The following SPAG16 variants were observed in gnomAD, a reference collection of about 807,000 sequenced individuals.
The protein encoded by SPAG16 is sperm-associated antigen 16 protein.
SPAG16 carries 86 observed loss-of-function variants against 80.4 expected under a neutral mutation model. The observed-to-expected ratio is 1.07, with a 90% confidence interval of 0.90 to 1.28. The LOEUF is 1.28. Ranked by LOEUF, SPAG16 falls within the 50% of genes most tolerant of loss-of-function variation. The pLI, the probability that SPAG16 is intolerant of heterozygous loss-of-function variation, is 0.00. For missense variants in SPAG16, 870 were observed against 765.3 expected, an observed-to-expected ratio of 1.14 and a Z score of -1.61; for synonymous variants, 294 against 265.9, an observed-to-expected ratio of 1.11 and a Z score of -1.03.
intron 9 of SPAG16, among the ~76,000 whole-genome samples, chr2:213,415,520 T>C (rs1488527177): frequency 6.6e-6 from 1 of 152,188 alleles, no homozygotes; most frequent in African/African-American, 2.4e-5. Context: ...TGGGCACAGG[T>C]TGGCTAAGAA....
chr2:213,647,168 T>A (rs1468429478), intron 10 of SPAG16, among the ~76,000 whole-genome samples: 3 of 152,202 alleles, frequency 2.0e-5, no homozygotes, highest in Non-Finnish European at 4.4e-5. Flanking sequence ...GGTGAGATTC[T>A]ACTCTTTGTA....
intron 9 of SPAG16, among the ~76,000 whole-genome samples, chr2:213,380,731 A>G (rs1041031561): frequency 4.6e-5 from 7 of 152,198 alleles, no homozygotes; most frequent in Middle Eastern, 3.2e-3. Context: ...GCCTTGCTCC[A>G]TAATCCAAGA....
At chr2:214,025,540 T>G (rs937146693) in intron 13 of SPAG16, among the ~76,000 whole-genome samples, 6 of 151,674 alleles carry the variant, frequency 4.0e-5, no homozygotes, top group African/African-American at 1.4e-4. Context: ...CACATGTTAA[T>G]TATAATTTTT....
chr2:213,942,949 G>C (rs966627691), intron 12 of SPAG16, among the ~76,000 whole-genome samples: 2 of 152,152 alleles, frequency 1.3e-5, no homozygotes, highest in Non-Finnish European at 1.5e-5. Flanking sequence ...TCGTGAATGA[G>C]ATTAGTGCCC....
Position 213,593,746 on chromosome 2 carries a change from CTTTTTTTTTTTTTTTTTTTTTTTTTTTT to C in SPAG16, c.1070+103675_1070+103702del, listed in dbSNP as rs541949006. Among the ~76,000 whole-genome samples, 73 of 50,190 alleles carry C rather than the reference CTTTTTTTTTTTTTTTTTTTTTTTTTTTT, an allele frequency of 1.5e-3. 2 individuals are homozygous for C. Among genetic ancestry groups the C allele is most frequent in the African/African-American group, 3.0e-3 (62 of 20,700 alleles). 32.9% of individuals were successfully genotyped at this position (50,190 alleles called of 152,430 possible). On this transcript the variant is annotated intron_variant, in intron 10 of 15. Transcript: ENST00000331683. Reference sequence around the variant, plus strand: ...TCATACCCCATCATCCCCACCACATCTTTTTTTTTTTTTTTTTTTTTTTTTTTTTTTTTTTTTTTTTTTTTTGGGACGG... The same window carrying C: ...TCATACCCCATCATCCCCACCACATCTTTTTTTTTTTTTTTTTTGGGACGG...
chr2:213,696,111 T>C (rs751948406), intron 10 of SPAG16, among the ~76,000 whole-genome samples: 60 of 152,154 alleles, frequency 3.9e-4, no homozygotes, highest in Non-Finnish European at 7.1e-4. Flanking sequence ...TGCTGATCTA[T>C]GGATATGGAA....
chr2:213,737,176 CTGA>C (rs2067318942), intron 10 of SPAG16, among the ~76,000 whole-genome samples: 1 of 152,092 alleles, frequency 6.6e-6, no homozygotes, highest in Non-Finnish European at 1.5e-5. Flanking sequence ...AGTTTTATGG[CTGA>C]TAACTTTCTA....
intron 15 of SPAG16, among the ~76,000 whole-genome samples, chr2:214,162,512 T>C (rs2056481013): frequency 1.3e-5 from 2 of 152,138 alleles, no homozygotes; most frequent in East Asian, 1.9e-4. Flanking sequence ...TAGAGGGAGA[T>C]TCAACTTTAT....
At chr2:213,669,591 A>G (rs1035443189) in intron 10 of SPAG16, among the ~76,000 whole-genome samples, 21 of 152,332 alleles carry the variant, frequency 1.4e-4, no homozygotes, top group African/African-American at 4.3e-4. Context: ...CATAAAGAAA[A>G]AACACCTTGA....
At chr2:213,360,217 G>A (rs2065898992) in intron 7 of SPAG16, among the ~76,000 whole-genome samples, 1 of 152,186 alleles carries the variant, frequency 6.6e-6, no homozygotes, top group South Asian at 2.1e-4. Flanking sequence ...GAAACTGGAT[G>A]TGGCAGCCAC....
rs550933948 is a variant in SPAG16, at chr2:214,305,747, C to T, written c.1721-104393C>T. Among the ~76,000 whole-genome samples, 46 of 152,194 alleles carry T rather than the reference C, an allele frequency of 3.0e-4. 1 individual carries two copies. The highest frequency in any genetic ancestry group is 1.1e-3 in the African/African-American group (44 of 41,528). On this transcript the variant is annotated intron_variant, in intron 15 of 15. Transcript: ENST00000331683. ...CTGCTCTATGTGTCTATTCTTTTAC[C>T]AGAACCATGCTGTTTTGGTTACCAT...
At chr2:214,253,452 C>G (rs1479695008) in intron 15 of SPAG16, among the ~76,000 whole-genome samples, 1 of 152,112 alleles carries the variant, frequency 6.6e-6, no homozygotes, top group Non-Finnish European at 1.5e-5. Context: ...ACGTTTAAGT[C>G]TTTAATCCAT....
chr2:213,501,078 A>G (rs2074721898), intron 10 of SPAG16, among the ~76,000 whole-genome samples: 2 of 152,212 alleles, frequency 1.3e-5, no homozygotes, highest in South Asian at 4.1e-4. Context: ...TTAGCTTCCA[A>G]GTTTTGACAA....
At chr2:214,013,514 T>G (rs2047424554) in intron 12 of SPAG16, among the ~76,000 whole-genome samples, 1 of 152,136 alleles carries the variant, frequency 6.6e-6, no homozygotes. Flanking sequence ...TCCCCCAGTC[T>G]CTGGTAGCCA....
intron 6 of SPAG16, among the ~76,000 whole-genome samples, chr2:213,345,712 A>C (rs1316856465): frequency 1.4e-5 from 2 of 147,906 alleles, no homozygotes; most frequent in Non-Finnish European, 3.0e-5. Context: ...ATTATTTCTG[A>C]GGGCTCTGTT....
At chr2:213,478,642 G>A (rs945642275) in intron 9 of SPAG16, among the ~76,000 whole-genome samples, 3 of 152,000 alleles carry the variant, frequency 2.0e-5, no homozygotes, top group African/African-American at 7.2e-5. Flanking sequence ...TCATAGTTCC[G>A]TATCCCAGGC....
chr2:213,966,274 A>C (rs1223488979), intron 12 of SPAG16, among the ~76,000 whole-genome samples: 1 of 152,198 alleles, frequency 6.6e-6, no homozygotes, highest in Non-Finnish European at 1.5e-5. Flanking sequence ...TACTGTTCTT[A>C]CTGAGATTTA....
chr2:213,377,643 C>A (rs1432464541), intron 9 of SPAG16, among the ~76,000 whole-genome samples: 1 of 151,044 alleles, frequency 6.6e-6, no homozygotes, highest in East Asian at 1.9e-4. Flanking sequence ...TTTCCTCTTA[C>A]TTTTTCCCTC....
intron 10 of SPAG16, among the ~76,000 whole-genome samples, chr2:213,708,982 A>C (rs1392187337): frequency 6.6e-6 from 1 of 152,140 alleles, no homozygotes; most frequent in Non-Finnish European, 1.5e-5. Context: ...TTGTTGGCCT[A>C]TCCTGTTTAG....
Sources: gnomAD v4.1 joint callset for allele counts (sites outside exome capture counted in the v4.1 genomes callset) on GRCh38, gnomAD v4.1.1 for gene constraint, MANE v1.5 for transcripts, NCBI Gene and HGNC (gene_info 2026-07-23, HGNC 2026-07-21) for gene names.